Variants in PLG observed in about 807,000 individuals in gnomAD.
The protein encoded by PLG is plasminogen.
Under a neutral mutation model 104.4 loss-of-function variants are expected in PLG, and 41 were observed. The observed-to-expected ratio is 0.39, with a 90% CI of 0.31 to 0.51. The LOEUF (loss-of-function observed/expected upper bound fraction) is 0.51. Ranked by LOEUF, PLG falls within the 20% of genes least tolerant of loss-of-function variation. The probability of loss-of-function intolerance (pLI) is 0.76; values close to 1 mark genes in which losing one functional copy is unlikely to be tolerated. For missense variants in PLG, 891 were observed against 1,003.6 expected (o/e 0.89, Z 1.52); for synonymous variants, 337 against 357.1 (o/e 0.94, Z 0.63).
intron 10 of PLG, among the ~76,000 whole-genome samples, chr6:160,727,947 C>G (rs1308384399): frequency 6.7e-6 from 1 of 149,274 alleles, no homozygotes; most frequent in Non-Finnish European, 1.5e-5. Flanking sequence ...GACCTGAAAA[C>G]AAAACAAAAA....
chr6:160,748,278 C>T (rs1210091284), intron 17 of PLG, among the ~76,000 whole-genome samples: 1 of 147,464 alleles, frequency 6.8e-6, no homozygotes. Flanking sequence ...GCACTCCAGC[C>T]TGGGTGACAG....
rs1582938664 is a variant in PLG at position 160,719,699 on chromosome 6, C to A, written c.1096+861C>A. On this transcript the variant is annotated intron_variant, in intron 9 of 18. Transcript: ENST00000308192. This position sits in a 1 kb window ranked among gnomAD's most constrained non-coding sequence, Gnocchi z 4.1. ...TATTTTCCACAATGTTTATAATATACATTTTTGACTTTTCACATTCCACCT... is the reference window on the plus strand; with the variant it reads ...TATTTTCCACAATGTTTATAATATAAATTTTTGACTTTTCACATTCCACCT... Among the ~76,000 whole-genome samples, 2 of 152,148 alleles carry A rather than the reference C, an allele frequency of 1.3e-5. No homozygotes were observed. The highest frequency in any genetic ancestry group is 3.9e-4 in the East Asian group (2 of 5,182).
At chr6:160,707,418 A>G (rs992901040) in intron 2 of PLG, among the ~76,000 whole-genome samples, 1 of 152,152 alleles carries the variant, frequency 6.6e-6, no homozygotes, top group African/African-American at 2.4e-5. Context: ...AAAAACAAAA[A>G]TTAAGAAGAT....
rs1188475720 is a variant in PLG at position 160,753,175 on chromosome 6, C to A, written c.*114C>A. The A allele has an allele frequency of 2.9e-6, 2 of 696,276 alleles. No individual in the cohort carries two copies. Among genetic ancestry groups the A allele is most frequent in the Non-Finnish European group, 5.0e-6 (2 of 403,516 alleles). 43.1% of individuals were successfully genotyped at this position (696,276 alleles called of 1,614,324 possible). The stretch of plus-strand genomic sequence containing the variant: ...CAAACGAAGACACTGTCCCCAGCTA[C>A]CAGCTACGCCAAACCTCGGCATTTT... On this transcript the variant is annotated 3_prime_UTR_variant, in exon 19 of 19. Transcript: ENST00000308192. This position sits in a 1 kb window ranked among gnomAD's most constrained non-coding sequence, Gnocchi z 5.4.
chr6:160,741,719 T>G lies in PLG; in HGVS notation c.2125+302T>G, dbSNP rs1778199779. Among the ~76,000 whole-genome samples the G allele has an allele frequency of 6.6e-6, 1 of 152,232 alleles. No individual in the cohort carries two copies. The highest frequency in any genetic ancestry group is 1.5e-5 in the Non-Finnish European group (1 of 68,042). On this transcript the variant is annotated intron_variant, in intron 17 of 18. Transcript: ENST00000308192. The surrounding 1 kb of genome is among the most constrained non-coding windows in gnomAD (Gnocchi z 4.7). Reference sequence around the variant, plus strand: ...GGTACATGTGCAAGTTTCTTGTATATGTAAACAGTGGTTTGTCATGCAGAT... The same window carrying G: ...GGTACATGTGCAAGTTTCTTGTATAGGTAAACAGTGGTTTGTCATGCAGAT...
At chr6:160,713,878 T>A (rs944452698) in intron 5 of PLG, among the ~76,000 whole-genome samples, 2 of 152,116 alleles carry the variant, frequency 1.3e-5, no homozygotes, top group African/African-American at 2.4e-5. Flanking sequence ...TAAAAAATTT[T>A]AAAAAAATCC....
Position 160,752,381 on chromosome 6 carries a change from T to C in PLG, c.2271+121T>C. The stretch of plus-strand genomic sequence containing the variant: ...TTTCAACCGAAGACCCCAGTCTAAG[T>C]GTTGTTTAGAAACTTCCTAGATCTG... On this transcript the variant is annotated intron_variant, in intron 18 of 18. Coordinates refer to ENST00000308192, the MANE Select transcript of PLG (RefSeq NM_000301.5). This position sits in a 1 kb window ranked among gnomAD's most constrained non-coding sequence, Gnocchi z 4.7. 1 of 874,538 alleles carries C rather than the reference T, an allele frequency of 1.1e-6. No individual in the cohort carries two copies. Among genetic ancestry groups the C allele is most frequent in the Non-Finnish European group, 1.9e-6 (1 of 523,950 alleles). The allele number at this position is 874,538 out of a possible 1,614,324, so 54.2% of individuals were successfully genotyped here. A position where few individuals can be genotyped will look rare whatever the true frequency, so the allele number is the denominator to read the frequency against.
chr6:160,736,823 C>T lies in PLG; in HGVS notation c.1682-64C>T. The T allele has an allele frequency of 1.4e-5, 23 of 1,604,668 alleles. No individual in the cohort carries two copies. Among genetic ancestry groups the T allele is most frequent in the Non-Finnish European group, 1.9e-5 (22 of 1,172,866 alleles). ...AAAACTCAGTGCTTGGAATTTGTCT[C>T]GAATTACACCACAAAATTGCTACCT... On this transcript the variant is annotated intron_variant, in intron 13 of 18. Transcript: ENST00000308192. This position sits in a 1 kb window ranked among gnomAD's most constrained non-coding sequence, Gnocchi z 5.2.
chr6:160,714,840 C>T lies in PLG; in HGVS notation c.594C>T (p.Ser198=). The change falls in exon 6 of 19, where the codon TCC becomes TCT. Residue 198 remains serine, a synonymous_variant. Coordinates refer to ENST00000308192, the MANE Select transcript of PLG (RefSeq NM_000301.5). ...CSGENYDGKI[S]KTMSGLECQA... Reference sequence around the variant, plus strand: ...GAGAAAACTATGACGGCAAAATTTCCAAGACCATGTCTGGACTGGAATGCC... The same window carrying T: ...GAGAAAACTATGACGGCAAAATTTCTAAGACCATGTCTGGACTGGAATGCC... 1 of 1,613,586 alleles carries T rather than the reference C, an allele frequency of 6.2e-7. No individual in the cohort carries two copies. Among genetic ancestry groups the T allele is most frequent in the Non-Finnish European group, 8.5e-7 (1 of 1,179,530 alleles).
chr6:160,732,937 ACCAGCTCACCT>A lies in PLG; in HGVS notation c.1587+1045_1588-1047del, dbSNP rs1231746288. Among the ~76,000 whole-genome samples, 1 of 152,054 alleles carries A rather than the reference ACCAGCTCACCT, an allele frequency of 6.6e-6. No individual in the cohort carries two copies. The highest frequency in any genetic ancestry group is 1.5e-5 in the Non-Finnish European group (1 of 67,996). On this transcript the variant is annotated intron_variant, in intron 12 of 18. Transcript: ENST00000308192. The surrounding 1 kb of genome is among the most constrained non-coding windows in gnomAD (Gnocchi z 4.5). The stretch of plus-strand genomic sequence containing the variant: ...TTGAATACATCGTTGGCCATTGGAG[ACCAGCTCACCT>A]TCAGCTCCTGTTCCCTCCCTGGAAG...
At position 160,737,354 on chromosome 6, in the gene PLG, G is replaced by A. The variant is rs1280164280; in HGVS notation, c.1802+347G>A. Reference sequence around the variant, plus strand: ...ATTGTCTCATTGTCAGATGAAAAGAGGGGGAAGTTTTTAGAAATGTGACAC... The same window carrying A: ...ATTGTCTCATTGTCAGATGAAAAGAAGGGGAAGTTTTTAGAAATGTGACAC... On this transcript the variant is annotated intron_variant, in intron 14 of 18. Transcript: ENST00000308192. The surrounding 1 kb of genome is among the most constrained non-coding windows in gnomAD (Gnocchi z 4.7). 6.6e-6 allele frequency among the ~76,000 whole-genome samples: 1 copy of A among 152,178 alleles called. No homozygotes were observed. The highest frequency in any genetic ancestry group is 1.9e-4 in the East Asian group (1 of 5,200).
intron 3 of PLG, among the ~76,000 whole-genome samples, chr6:160,710,430 G>T (rs192574387): frequency 1.3e-5 from 2 of 152,160 alleles, no homozygotes; most frequent in Admixed American, 1.3e-4. Flanking sequence ...ACACCTGCCA[G>T]CTGCATGTGG....
At chr6:160,704,262 G>C (rs925029663) in intron 1 of PLG, among the ~76,000 whole-genome samples, 1 of 152,238 alleles carries the variant, frequency 6.6e-6, no homozygotes, top group African/African-American at 2.4e-5. Context: ...AAACTGAAAA[G>C]AGAAAAGTTT....
rs749693342 is a variant in PLG at position 160,716,650 on chromosome 6, C to G, written c.674C>G (p.Pro225Arg). Residue 225 changes from proline to arginine, a missense_variant, in exon 7 of 19, where the codon CCA becomes CGA. Transcript: ENST00000308192. ...AATCTTTCTTGTCCATTCAGATTTC[C>G]AAACAAGAACCTGAAGAAGAATTAC... ...HAHGYIPSKF[P>R]NKNLKKNYCR... 30 of 1,590,938 alleles carry G rather than the reference C, an allele frequency of 1.9e-5. No individual in the cohort carries two copies. The highest frequency in any genetic ancestry group is 2.4e-5 in the Non-Finnish European group (28 of 1,158,948).
At chr6:160,711,499 C>T in intron 4 of PLG, 3 of 1,429,724 alleles carry the variant, frequency 2.1e-6, no homozygotes, top group Non-Finnish European at 2.9e-6. Flanking sequence ...ATTTGTGGAT[C>T]TGGAACCCAT....
chr6:160,704,203 T>C (rs1777476606), intron 1 of PLG, among the ~76,000 whole-genome samples: 1 of 152,222 alleles, frequency 6.6e-6, no homozygotes, highest in Non-Finnish European at 1.5e-5. Flanking sequence ...TATTGCCATA[T>C]GAGTCCTAGA....
intron 17 of PLG, among the ~76,000 whole-genome samples, chr6:160,749,632 TCAC>T (rs1281848101): frequency 2.1e-5 from 3 of 143,268 alleles, no homozygotes; most frequent in South Asian, 2.3e-4. Flanking sequence ...ACCACCATCA[TCAC>T]CACCACCACT....
chr6:160,731,241 T>C lies in PLG; in HGVS notation c.1438+9T>C. 5.0e-6 allele frequency: 8 copies of C among 1,609,438 alleles called. No homozygotes were observed. The highest frequency in any genetic ancestry group is 6.8e-6 in the Non-Finnish European group (8 of 1,177,054). ...GACTCCTTCCGAAGAAGGTAAGAAA[T>C]CTGTGGCTGGACATCTACACACTTG... is the stretch of plus-strand genomic sequence containing the variant. On this transcript the variant is annotated intron_variant, in intron 11 of 18. Coordinates refer to ENST00000308192, the MANE Select transcript of PLG (RefSeq NM_000301.5). This position sits in a 1 kb window ranked among gnomAD's most constrained non-coding sequence, Gnocchi z 5.1.
chr6:160,724,493 A>C lies in PLG; in HGVS notation c.1256+1926A>C, dbSNP rs1352614651. Among the ~76,000 whole-genome samples, 1 of 152,164 alleles carries C rather than the reference A, an allele frequency of 6.6e-6. No individual in the cohort carries two copies. The highest frequency in any genetic ancestry group is 1.5e-5 in the Non-Finnish European group (1 of 68,018). On this transcript the variant is annotated intron_variant, in intron 10 of 18. Transcript: ENST00000308192. The surrounding 1 kb of genome is among the most constrained non-coding windows in gnomAD (Gnocchi z 5.0). ...CTATGAAAATATCAAAAGATTTCAT[A>C]TATGTGTAAAGCAAGTCACAAGAGA...
Sources: gnomAD v4.1 joint callset for allele counts (sites outside exome capture counted in the v4.1 genomes callset) on GRCh38, gnomAD v4.1.1 for gene constraint, Gnocchi (gnomAD v3.1) non-coding constraint, MANE v1.5 for transcripts, NCBI Gene and HGNC (gene_info 2026-07-23, HGNC 2026-07-21) for gene names.